The following SORCS3 variants were observed in gnomAD, a reference collection of about 807,000 sequenced individuals.
SORCS3 encodes the protein VPS10 domain-containing receptor SorCS3.
In SORCS3, 57 loss-of-function variants were observed where a neutral mutation model predicts 146.3. The ratio of observed to expected loss-of-function variants is 0.39; its 90% confidence interval spans 0.31 to 0.49. The LOEUF is 0.49. SORCS3 is among the 20% of genes least tolerant of loss of function. The pLI is 0.92. For missense variants in SORCS3, 1,341 were observed against 1,575.5 expected (o/e 0.85, Z 2.52); for synonymous variants, 653 against 618.5 (o/e 1.06, Z -0.83).
At chr10:104,696,680 A>AT (rs1164071444) in intron 1 of SORCS3, among the ~76,000 whole-genome samples, 1 of 53,620 alleles carries the variant, frequency 1.9e-5, no homozygotes, top group African/African-American at 7.4e-5. Context: ...TATAACATAT[A>AT]TAATATATAA....
rs116544132 is a variant in SORCS3, at chr10:104,820,036, C to A, written c.628-22756C>A. ...ATGTTGGGTTTACTTTAAACTTAGT[C>A]TTAAGGAGATTCTAGTGGAGGTTCT... On this transcript the variant is annotated intron_variant, in intron 1 of 26. Coordinates refer to ENST00000369701, the MANE Select transcript of SORCS3 (RefSeq NM_014978.3). 6.0e-3 allele frequency among the ~76,000 whole-genome samples: 910 copies of A among 152,240 alleles called. 17 individuals carry two copies. Among genetic ancestry groups the A allele is most frequent in the African/African-American group, 0.02 (849 of 41,550 alleles).
chr10:104,663,862 A>G (rs2015733592), intron 1 of SORCS3, among the ~76,000 whole-genome samples: 1 of 152,088 alleles, frequency 6.6e-6, no homozygotes, highest in Non-Finnish European at 1.5e-5. Flanking sequence ...ACAGTAAAGA[A>G]GAAGATCTCT....
rs376591831 is a variant in SORCS3, at chr10:104,804,300, G to A, written c.628-38492G>A. Among the ~76,000 whole-genome samples the A allele has an allele frequency of 9.2e-5, 14 of 152,264 alleles. No homozygotes were observed. The South Asian group carries it at 1.0e-3, about 11-fold the overall frequency. ...GTGGCCAAATTAGGATTTGAATTTC[G>A]TTCTTCCAGCCTTACATTTCATGTT... On this transcript the variant is annotated intron_variant, in intron 1 of 26. Coordinates refer to ENST00000369701, the MANE Select transcript of SORCS3 (RefSeq NM_014978.3).
intron 1 of SORCS3, among the ~76,000 whole-genome samples, chr10:104,749,288 T>C (rs1033356301): frequency 1.1e-4 from 17 of 151,370 alleles, no homozygotes; most frequent in Non-Finnish European, 2.2e-4. Flanking sequence ...AACGAAGCAA[T>C]TTGAAGGATC....
intron 2 of SORCS3, among the ~76,000 whole-genome samples, chr10:104,884,765 C>T (rs535090261): frequency 1.3e-5 from 2 of 151,840 alleles, no homozygotes; most frequent in East Asian, 3.9e-4. Context: ...TTTGAATTCT[C>T]ATAGATAGCT....
intron 3 of SORCS3, among the ~76,000 whole-genome samples, chr10:104,935,511 A>G (rs1319537596): frequency 1.3e-5 from 2 of 152,176 alleles, no homozygotes; most frequent in Non-Finnish European, 2.9e-5. Context: ...AGCATCAAGA[A>G]CCATGGGTCT....
At chr10:105,076,042 G>T (rs927442145) in intron 5 of SORCS3, among the ~76,000 whole-genome samples, 1 of 152,174 alleles carries the variant, frequency 6.6e-6, no homozygotes, top group African/African-American at 2.4e-5. Flanking sequence ...GTGTGTCTCT[G>T]TATGTTCCAT....
At chr10:104,754,431 G>T (rs1186375515) in intron 1 of SORCS3, among the ~76,000 whole-genome samples, 1 of 152,154 alleles carries the variant, frequency 6.6e-6, no homozygotes, top group Non-Finnish European at 1.5e-5. Flanking sequence ...ATCATTGCTT[G>T]CCCTTATACT....
intron 2 of SORCS3, among the ~76,000 whole-genome samples, chr10:104,906,069 G>T (rs1022077761): frequency 1.3e-5 from 2 of 152,164 alleles, no homozygotes; most frequent in African/African-American, 4.8e-5. Context: ...GGAGGTTTCT[G>T]GATGTGCCCA....
chr10:104,831,377 A>G (rs772862012), intron 1 of SORCS3, among the ~76,000 whole-genome samples: 4 of 152,200 alleles, frequency 2.6e-5, no homozygotes, highest in African/African-American at 4.8e-5. Context: ...CCATCTATTT[A>G]TCTGTTTTGC....
At chr10:105,149,319 G>A (rs542311751) in intron 9 of SORCS3, among the ~76,000 whole-genome samples, 1 of 152,244 alleles carries the variant, frequency 6.6e-6, no homozygotes, top group South Asian at 2.1e-4. Context: ...ATGTCATTCG[G>A]TAGAAAACAA....
chr10:105,163,737 C>T (rs180943043), intron 11 of SORCS3, among the ~76,000 whole-genome samples: 1 of 152,222 alleles, frequency 6.6e-6, no homozygotes, highest in Non-Finnish European at 1.5e-5. Flanking sequence ...GCTTGATGGC[C>T]ATGGTATGCT....
chr10:104,987,551 C>T (rs2054969389), intron 4 of SORCS3, among the ~76,000 whole-genome samples: 1 of 152,086 alleles, frequency 6.6e-6, no homozygotes, highest in South Asian at 2.1e-4. Context: ...GAAAATTTCC[C>T]TGAACTAAAA....
In SORCS3 at chr10:104,917,896, G is replaced by A. The variant is rs1589548839; in HGVS notation, c.795+1964G>A. ...CATTCATCCATTGATAGACACTTAGGTTGATCTTATATCATGGCTGTTGTG... is the reference window on the plus strand; with the variant it reads ...CATTCATCCATTGATAGACACTTAGATTGATCTTATATCATGGCTGTTGTG... On this transcript the variant is annotated intron_variant, in intron 3 of 26. Coordinates refer to ENST00000369701, the MANE Select transcript of SORCS3 (RefSeq NM_014978.3). 2.0e-5 allele frequency among the ~76,000 whole-genome samples: 3 copies of A among 152,258 alleles called. No homozygotes were observed. In the East Asian group the frequency reaches 5.8e-4, roughly 29 times the overall value.
At chr10:105,016,136 T>A (rs1303522078) in intron 4 of SORCS3, among the ~76,000 whole-genome samples, 5 of 106,282 alleles carry the variant, frequency 4.7e-5, no homozygotes, top group Non-Finnish European at 9.2e-5. Flanking sequence ...ATTATATAAA[T>A]ATATATATAT....
At chr10:105,212,977 G>T (rs1343408488) in intron 17 of SORCS3, among the ~76,000 whole-genome samples, 1 of 152,036 alleles carries the variant, frequency 6.6e-6, no homozygotes, top group Non-Finnish European at 1.5e-5. Context: ...TAAAAAATAA[G>T]GTGATATTAA....
At chr10:105,149,786 G>C (rs907883254) in intron 9 of SORCS3, among the ~76,000 whole-genome samples, 2 of 152,108 alleles carry the variant, frequency 1.3e-5, no homozygotes, top group Non-Finnish European at 2.9e-5. Context: ...ATTCTAAGAA[G>C]GGGTGCCTGA....
chr10:105,178,161 C>T lies in SORCS3; in HGVS notation c.1997C>T (p.Thr666Ile). 6.2e-7 allele frequency: 1 copy of T among 1,611,950 alleles called. No individual in the cohort carries two copies. The highest frequency in any genetic ancestry group is 1.1e-5 in the South Asian group (1 of 90,854). The change falls in exon 14 of 27, where the codon ACC (threonine) becomes ATC (isoleucine). Residue 666 changes from threonine (T) to isoleucine (I), a missense_variant. Physicochemically the swap from Thr to Ile is moderately conservative, Grantham distance 89 (BLOSUM62 -1). Coordinates refer to ENST00000369701, the MANE Select transcript of SORCS3 (RefSeq NM_014978.3). ...GCTCTGGTGGAGGCAGGAATGGAGACCCACATCATGACGTGAGTACTTCTT... is the reference window on the plus strand; with the variant it reads ...GCTCTGGTGGAGGCAGGAATGGAGATCCACATCATGACGTGAGTACTTCTT... ...DGALVEAGME[T>I]HIMTVFGHFS... is the part of the protein sequence containing the mutation.
In SORCS3 at chr10:105,090,379, C is replaced by T. The variant is rs537517821; in HGVS notation, c.1093+540C>T. On this transcript the variant is annotated intron_variant, in intron 6 of 26. Coordinates refer to ENST00000369701, the MANE Select transcript of SORCS3 (RefSeq NM_014978.3). Reference sequence around the variant, plus strand: ...CCCTACAAACAAGGGACTCTTCTAGCAGTGAAATTTCAGGATTTTAAACAC... The same window carrying T: ...CCCTACAAACAAGGGACTCTTCTAGTAGTGAAATTTCAGGATTTTAAACAC... 6.6e-5 allele frequency among the ~76,000 whole-genome samples: 10 copies of T among 152,268 alleles called. No homozygotes were observed. The East Asian group carries it at 1.9e-3, about 29-fold the overall frequency.
Sources: gnomAD v4.1 joint callset for allele counts (sites outside exome capture counted in the v4.1 genomes callset) on GRCh38, gnomAD v4.1.1 for gene constraint, MANE v1.5 for transcripts, NCBI Gene and HGNC (gene_info 2026-07-23, HGNC 2026-07-21) for gene names.